MAP4K5: variants seen among roughly 807,000 people sequenced by gnomAD.
MAP4K5 encodes MAPK/ERK kinase kinase kinase 5.
MAP4K5 carries 82 observed loss-of-function variants against 135.6 expected under a neutral mutation model. The observed-to-expected ratio is 0.60, with a 90% CI of 0.51 to 0.73. MAP4K5 has a LOEUF of 0.73. MAP4K5 is among the 30% of genes least tolerant of loss of function. The pLI is 0.00. For missense variants in MAP4K5, 907 were observed against 1,010.9 expected (o/e 0.90, Z 1.39); for synonymous variants, 347 against 335.0 (o/e 1.04, Z -0.39).
chr14:50,532,051 T>G lies in MAP4K5; in HGVS notation c.-2A>C. 3.2e-6 allele frequency: 5 copies of G among 1,550,002 alleles called. No individual in the cohort carries two copies. The highest frequency in any genetic ancestry group is 4.4e-6 in the Non-Finnish European group (5 of 1,141,976). On this transcript the variant is annotated 5_prime_UTR_variant, in exon 2 of 33. Coordinates refer to ENST00000682126, the MANE Select transcript of MAP4K5 (RefSeq NM_006575.6). ...GGCAGGCCGCAGCGGGGCCTCCATC[T>G]TCACTTAGGGCCCGGCCCCCGCCAG...
intron 6 of MAP4K5, 150 bp from the exon 7 acceptor site, chr14:50,476,456 A>G: frequency 4.3e-6 from 2 of 465,622 alleles, no homozygotes; most frequent in African/African-American, 2.0e-5. Context: ...AATGTTTACT[A>G]TATTTTAAAG....
chr14:50,461,897 G>A (rs578184530), intron 13 of MAP4K5, among the ~76,000 whole-genome samples: 77 of 149,752 alleles, frequency 5.1e-4, no homozygotes, highest in African/African-American at 1.7e-3. Context: ...CCAACCTGGC[G>A]ACAGAGCGAG....
intron 3 of MAP4K5, among the ~76,000 whole-genome samples, chr14:50,494,163 T>C (rs1173548584): frequency 6.6e-6 from 1 of 151,438 alleles, no homozygotes; most frequent in Non-Finnish European, 1.5e-5. Context: ...ATTATTATTA[T>C]TATTTTATTT....
chr14:50,488,787 T>C (rs2037422016), intron 3 of MAP4K5, among the ~76,000 whole-genome samples: 1 of 152,190 alleles, frequency 6.6e-6, no homozygotes, highest in Non-Finnish European at 1.5e-5. Flanking sequence ...TATTAATAAG[T>C]CAGATGTTTG....
At chr14:50,445,355 C>T (rs1389788273) in intron 17 of MAP4K5, among the ~76,000 whole-genome samples, 161 bp from the exon 18 acceptor site, 1 of 152,126 alleles carries the variant, frequency 6.6e-6, no homozygotes, top group Admixed American at 6.5e-5. Context: ...CAACTATCAA[C>T]TTGCCATGTG....
chr14:50,484,372 A>C (rs2037318140), intron 5 of MAP4K5, among the ~76,000 whole-genome samples: 1 of 152,206 alleles, frequency 6.6e-6, no homozygotes, highest in Admixed American at 6.5e-5. Context: ...TTTAAAATTG[A>C]TAATTAAGTA....
intron 3 of MAP4K5, among the ~76,000 whole-genome samples, chr14:50,497,140 T>A (rs1381558851): frequency 2.0e-5 from 3 of 152,218 alleles, no homozygotes; most frequent in African/African-American, 7.2e-5. Context: ...AATTTTTAAA[T>A]AACTATGAAA....
intron 3 of MAP4K5, among the ~76,000 whole-genome samples, chr14:50,499,238 G>A (rs2037656808): frequency 6.6e-6 from 1 of 152,060 alleles, no homozygotes; most frequent in Non-Finnish European, 1.5e-5. Context: ...GGGGAAAAAA[G>A]AGTACAGGAA....
intron 11 of MAP4K5, among the ~76,000 whole-genome samples, chr14:50,466,001 G>A (rs1341610477): frequency 6.6e-6 from 1 of 152,166 alleles, no homozygotes; most frequent in Non-Finnish European, 1.5e-5. Context: ...TCGAACCCAG[G>A]AGGCGGAGGA....
At chr14:50,558,420 A>T (rs970022585) in intron 1 of MAP4K5, among the ~76,000 whole-genome samples, 1 of 152,208 alleles carries the variant, frequency 6.6e-6, no homozygotes, top group African/African-American at 2.4e-5. Flanking sequence ...ACTAATATGA[A>T]ATTGATTCAG....
intron 32 of MAP4K5, among the ~76,000 whole-genome samples, chr14:50,422,901 A>G (rs901758661): frequency 2.0e-5 from 3 of 152,190 alleles, no homozygotes; most frequent in Non-Finnish European, 4.4e-5. Flanking sequence ...GTCTCAGTTG[A>G]ATATAACTGT....
chr14:50,437,754 C>T (rs1317819004), intron 25 of MAP4K5, 140 bp downstream of exon 25: 3 of 676,386 alleles, frequency 4.4e-6, no homozygotes, highest in African/African-American at 3.6e-5. Flanking sequence ...AAACGTTCAG[C>T]TTTTCCAGAT....
At chr14:50,532,272 A>C in intron 1 of MAP4K5, 114 bp from the exon 2 acceptor site, 1 of 477,980 alleles carries the variant, frequency 2.1e-6, no homozygotes, top group Non-Finnish European at 3.7e-6. Context: ...GTGGAAGAGA[A>C]AGGGGCCTGG....
At chr14:50,492,277 CAG>C (rs2037500863) in intron 3 of MAP4K5, among the ~76,000 whole-genome samples, 3 of 152,108 alleles carry the variant, frequency 2.0e-5, no homozygotes, top group South Asian at 4.2e-4. Flanking sequence ...AAAGCAAAAA[CAG>C]AGAGATGAGA....
intron 6 of MAP4K5, 147 bp downstream of exon 6, chr14:50,482,213 TA>T: frequency 1.9e-6 from 1 of 517,968 alleles, no homozygotes; most frequent in South Asian, 3.1e-5. Flanking sequence ...TATAAGAGAT[TA>T]ACAGAAAAAT....
intron 14 of MAP4K5, among the ~76,000 whole-genome samples, chr14:50,452,175 T>C (rs80041986): frequency 0.014 from 2,189 of 152,290 alleles, 41 homozygotes; most frequent in African/African-American, 0.05. Flanking sequence ...TTTTGACTTA[T>C]GATATTTTCA....
intron 15 of MAP4K5, 113 bp from the exon 16 acceptor site, chr14:50,447,594 T>C (rs1308281091): frequency 2.4e-5 from 15 of 637,876 alleles, no homozygotes; most frequent in Non-Finnish European, 4.0e-5. Flanking sequence ...TGGCATTCAA[T>C]CAATTTTTTA....
At chr14:50,493,651 T>C (rs1172242531) in intron 3 of MAP4K5, among the ~76,000 whole-genome samples, 1 of 152,182 alleles carries the variant, frequency 6.6e-6, no homozygotes, top group Non-Finnish European at 1.5e-5. Flanking sequence ...TGTGTTTCTA[T>C]ACACAGTGAA....
At chr14:50,439,957 T>C (rs1035809777) in intron 23 of MAP4K5, 56 bp downstream of exon 23, 1 of 1,366,524 alleles carries the variant, frequency 7.3e-7, no homozygotes, top group Middle Eastern at 1.8e-4. Flanking sequence ...ATGGTGTATA[T>C]TAAAATTACA....
Sources: gnomAD v4.1 joint callset for allele counts (sites outside exome capture counted in the v4.1 genomes callset) on GRCh38, gnomAD v4.1.1 for gene constraint, MANE v1.5 for transcripts, NCBI Gene and HGNC (gene_info 2026-07-23, HGNC 2026-07-21) for gene names.